Variants in CAST observed in about 807,000 individuals in gnomAD.
CAST encodes MIR583 host.
Under a neutral mutation model 119.6 loss-of-function variants are expected in CAST, and 76 were observed. That is an observed-to-expected ratio of 0.64 (90% CI 0.53 to 0.77). The LOEUF (loss-of-function observed/expected upper bound fraction) is 0.77. Ranked by LOEUF, CAST falls within the 30% of genes least tolerant of loss-of-function variation. The pLI is 0.00. For missense variants in CAST, 953 were observed against 946.5 expected, an observed-to-expected ratio of 1.01 and a Z score of -0.09; for synonymous variants, 319 against 331.6, an observed-to-expected ratio of 0.96 and a Z score of 0.41.
chr5:96,262,324 C>T, the CAST span, among the ~76,000 whole-genome samples: 4,079 of 152,088 alleles, frequency 0.027, 189 homozygotes, highest in African/African-American at 0.093. Context: ...GCCACTGCAC[C>T]GAGGAAAAAC....
At chr5:96,417,533 C>G in the CAST span, among the ~76,000 whole-genome samples, 48 of 151,960 alleles carry the variant, frequency 3.2e-4, 1 homozygote, top group East Asian at 7.0e-3. Context: ...GCTTTAAGTT[C>G]CATGTGAGTC....
upstream of CAST, among the ~76,000 whole-genome samples, chr5:96,521,412 A>G (rs1345118966): frequency 6.6e-6 from 1 of 152,082 alleles, no homozygotes; most frequent in Non-Finnish European, 1.5e-5. Flanking sequence ...ACTCTTTCTC[A>G]CGTTCCCAAA....
the CAST span, among the ~76,000 whole-genome samples, chr5:96,179,575 G>A: frequency 2.0e-5 from 3 of 152,348 alleles, no homozygotes; most frequent in South Asian, 6.2e-4. Flanking sequence ...GTAGATGAAT[G>A]AATATGGGGA....
At chr5:96,231,854 T>C in the CAST span, among the ~76,000 whole-genome samples, 2 of 152,106 alleles carry the variant, frequency 1.3e-5, no homozygotes, top group Non-Finnish European at 2.9e-5. Context: ...TATACCATAC[T>C]GTAGCTGGAT....
the CAST span, among the ~76,000 whole-genome samples, chr5:96,437,753 A>C: frequency 6.6e-6 from 1 of 152,286 alleles, no homozygotes; most frequent in Admixed American, 6.5e-5. Context: ...ATACGCAATT[A>C]AAGTTTGAGA....
At chr5:96,288,286 T>C in the CAST span, among the ~76,000 whole-genome samples, 1 of 152,200 alleles carries the variant, frequency 6.6e-6, no homozygotes, top group African/African-American at 2.4e-5. Context: ...TAAAAAGTAC[T>C]GTTGAATGTG....
the CAST span, among the ~76,000 whole-genome samples, chr5:96,431,583 G>A: frequency 6.6e-6 from 1 of 152,144 alleles, no homozygotes; most frequent in African/African-American, 2.4e-5. Context: ...CGAGGGCAAG[G>A]GCTGGCCAAA....
chr5:95,995,251 C>T, the CAST span, among the ~76,000 whole-genome samples: 1 of 152,134 alleles, frequency 6.6e-6, no homozygotes, highest in African/African-American at 2.4e-5. Flanking sequence ...TCATCCCACA[C>T]TGCATGGGGT....
chr5:96,251,091 C>T, the CAST span, among the ~76,000 whole-genome samples: 1 of 152,152 alleles, frequency 6.6e-6, no homozygotes, highest in African/African-American at 2.4e-5. Context: ...AAGCTCAGAG[C>T]CAATAATCTT....
chr5:96,757,603 T>C lies in CAST; in HGVS notation c.1782T>C (p.Leu594=), dbSNP rs1354003368. The C allele has an allele frequency of 6.2e-7, 1 of 1,613,974 alleles. No individual in the cohort carries two copies. The highest frequency in any genetic ancestry group is 8.5e-7 in the Non-Finnish European group (1 of 1,179,840). ...EQLPPMSEDF[L]LDALSEDFSG... ...TGCAGCCCATGAGTGAAGACTTCCT[T>C]CTGGATGCTTTGTCTGAGGACTTCT... The change falls in exon 24 of 32, where the codon CTT becomes CTC. Residue 594 remains leucine, a synonymous_variant. Coordinates refer to ENST00000675179, the MANE Select transcript of CAST (RefSeq NM_001750.7).
chr5:96,129,481 C>T, the CAST span, among the ~76,000 whole-genome samples: 1 of 152,044 alleles, frequency 6.6e-6, no homozygotes, highest in East Asian at 1.9e-4. Flanking sequence ...GCTGATGCTG[C>T]ACCAGGTAAA....
chr5:96,406,962 G>T, the CAST span, among the ~76,000 whole-genome samples: 1 of 151,816 alleles, frequency 6.6e-6, no homozygotes, highest in Non-Finnish European at 1.5e-5. Flanking sequence ...TTTCCTCTGT[G>T]TTAAGTATTG....
chr5:96,146,685 CT>C, the CAST span, among the ~76,000 whole-genome samples: 4 of 151,612 alleles, frequency 2.6e-5, no homozygotes, highest in South Asian at 2.1e-4. Context: ...AACATACAGC[CT>C]TTTTTTTTGT....
chr5:96,088,560 T>C, the CAST span, among the ~76,000 whole-genome samples: 2 of 152,346 alleles, frequency 1.3e-5, no homozygotes, highest in African/African-American at 4.8e-5. Context: ...CAAGTTGGAT[T>C]GGACTGCTCC....
chr5:96,061,644 AGTGT>A, the CAST span, among the ~76,000 whole-genome samples: 709 of 149,592 alleles, frequency 4.7e-3, 7 homozygotes, highest in African/African-American at 0.016. Context: ...CTTGTTATTC[AGTGT>A]GTGTGTGTGT....
chr5:96,139,883 T>C, the CAST span, among the ~76,000 whole-genome samples: 2 of 152,102 alleles, frequency 1.3e-5, no homozygotes, highest in Non-Finnish European at 2.9e-5. Flanking sequence ...GAGGGCAAAC[T>C]CTCATCAGAC....
intron 1 of CAST, among the ~76,000 whole-genome samples, chr5:96,573,361 T>A (rs1432118233): frequency 6.6e-5 from 10 of 152,230 alleles, no homozygotes; most frequent in Admixed American, 4.6e-4. Flanking sequence ...CCAGACATGG[T>A]GGCTCACACC....
At chr5:96,554,201 A>G (rs966086640) in intron 1 of CAST, among the ~76,000 whole-genome samples, 4 of 152,200 alleles carry the variant, frequency 2.6e-5, no homozygotes, top group Admixed American at 1.3e-4. Context: ...TGGTACCAAA[A>G]CAGATATATA....
At chr5:96,335,721 C>T in the CAST span, among the ~76,000 whole-genome samples, 2 of 152,172 alleles carry the variant, frequency 1.3e-5, no homozygotes, top group African/African-American at 2.4e-5. Context: ...TCAGACATTT[C>T]GGATTCAATT....
Sources: allele counts gnomAD v4.1 joint callset (sites outside exome capture counted in the v4.1 genomes callset), GRCh38; gene constraint gnomAD v4.1.1; transcripts MANE v1.5; gene names NCBI Gene and HGNC (gene_info 2026-07-23, HGNC 2026-07-21).